Variants in IKZF3 observed in about 807,000 individuals in gnomAD.
IKZF3 encodes IKAROS family zinc finger 3, also known as zinc finger protein Aiolos.
Under a neutral mutation model 49.0 loss-of-function variants are expected in IKZF3, and 10 were observed. That is an observed-to-expected ratio of 0.20 (90% CI 0.13 to 0.35). IKZF3 has a LOEUF of 0.35. Ranked by LOEUF, IKZF3 falls within the 10% of genes least tolerant of loss-of-function variation. The probability of loss-of-function intolerance (pLI) is 1.00; values close to 1 mark genes in which losing one functional copy is unlikely to be tolerated. For synonymous variants in IKZF3, 209 were observed against 228.2 expected (o/e 0.92, Z 0.76); for missense variants, 498 against 664.8 (o/e 0.75, Z 2.76).
chr17:39,804,931 C>T (rs969552311), intron 3 of IKZF3, among the ~76,000 whole-genome samples: 6 of 152,112 alleles, frequency 3.9e-5, no homozygotes, highest in African/African-American at 1.4e-4. Context: ...GTTTTTATTG[C>T]TGTTGACTCT....
intron 3 of IKZF3, among the ~76,000 whole-genome samples, chr17:39,819,792 C>T (rs2061759879): frequency 1.3e-5 from 2 of 152,064 alleles, no homozygotes; most frequent in African/African-American, 2.4e-5. Flanking sequence ...ACCTCAGCCT[C>T]CCAAGTAGCT....
At position 39,765,407 on chromosome 17, in the gene IKZF3, T is replaced by G. The variant is rs145732147; in HGVS notation, c.*383A>C. On this transcript the variant is annotated 3_prime_UTR_variant, in exon 8 of 8. Coordinates refer to ENST00000346872, the MANE Select transcript of IKZF3 (RefSeq NM_012481.5). ...GGTCAGCTGGTCAGCTCTTCCTCTT[T>G]GTGGATTTGCATGTATGACTGAAAG... 328 of 168,662 alleles carry G rather than the reference T, an allele frequency of 1.9e-3. 3 individuals carry two copies. Among genetic ancestry groups the G allele is most frequent in the Non-Finnish European group, 3.1e-3 (241 of 77,860 alleles). 10.4% of individuals were successfully genotyped at this position (168,662 alleles called of 1,614,324 possible). A position where few individuals can be genotyped will look rare whatever the true frequency, so the allele number is the denominator to read the frequency against.
intron 6 of IKZF3, among the ~76,000 whole-genome samples, chr17:39,778,771 T>A (rs774393415): frequency 4.6e-5 from 7 of 152,192 alleles, no homozygotes; most frequent in Non-Finnish European, 7.3e-5. Flanking sequence ...ATTGCACTCC[T>A]GCCTGGGCAA....
At position 39,789,726 on chromosome 17, in the gene IKZF3, T is replaced by A. The variant is rs562337816; in HGVS notation, c.593-1352A>T. Among the ~76,000 whole-genome samples, 1,047 of 137,102 alleles carry A rather than the reference T, an allele frequency of 7.6e-3. 14 individuals are homozygous for A. Among genetic ancestry groups the A allele is most frequent in the African/African-American group, 0.028 (998 of 35,716 alleles). The allele number at this position is 137,102 out of a possible 152,430, so 89.9% of individuals were successfully genotyped here. ...CTGGGTGACAGAGTGAGACACCATC[T>A]CAAACAAACAAACAAACAAACAAAA... On this transcript the variant is annotated intron_variant, in intron 5 of 7. Transcript: ENST00000346872.
intron 6 of IKZF3, among the ~76,000 whole-genome samples, chr17:39,779,921 C>G (rs184666004): frequency 1.9e-4 from 29 of 152,264 alleles, no homozygotes; most frequent in African/African-American, 6.5e-4. Flanking sequence ...CAAGTAGTGG[C>G]TGGCACAGTG....
intron 7 of IKZF3, among the ~76,000 whole-genome samples, chr17:39,768,943 C>T (rs2060366431): frequency 6.6e-6 from 1 of 152,148 alleles, no homozygotes. Context: ...TCCCTTCCCC[C>T]TTTGTTAAAA....
At chr17:39,781,319 CA>C (rs1007967350) in intron 6 of IKZF3, among the ~76,000 whole-genome samples, 4 of 152,108 alleles carry the variant, frequency 2.6e-5, no homozygotes, top group African/African-American at 9.7e-5. Flanking sequence ...TTCTTAGAAT[CA>C]GGGGAGAGGT....
intron 3 of IKZF3, among the ~76,000 whole-genome samples, chr17:39,816,073 G>A (rs1238371026): frequency 1.3e-5 from 2 of 152,124 alleles, no homozygotes; most frequent in Admixed American, 6.5e-5. Flanking sequence ...AGGCCTCCTG[G>A]AGGAAATAAA....
rs1024705436 is a variant in IKZF3, at chr17:39,763,784, G to T, written c.*2006C>A. 6.6e-6 allele frequency: 1 copy of T among 152,174 alleles called. No individual in the cohort carries two copies. The highest frequency in any genetic ancestry group is 1.5e-5 in the Non-Finnish European group (1 of 68,036). 9.4% of individuals were successfully genotyped at this position (152,174 alleles called of 1,614,324 possible). A position where few individuals can be genotyped will look rare whatever the true frequency, so the allele number is the denominator to read the frequency against. ...TGAATTAAAGCTAGAAGGGACCTAA[G>T]AGAACATTGAAATCTAATTCCTATT... On this transcript the variant is annotated 3_prime_UTR_variant, in exon 8 of 8. Transcript: ENST00000346872.
At chr17:39,803,974 G>A (rs546892070) in intron 3 of IKZF3, among the ~76,000 whole-genome samples, 24 of 152,248 alleles carry the variant, frequency 1.6e-4, no homozygotes, top group Middle Eastern at 3.4e-3. Context: ...GAATGAAAAA[G>A]TCTTCTATAT....
chr17:39,818,844 C>G (rs1012755673), intron 3 of IKZF3, among the ~76,000 whole-genome samples: 2 of 152,120 alleles, frequency 1.3e-5, no homozygotes, highest in African/African-American at 4.8e-5. Flanking sequence ...GGCAACAGAG[C>G]AACAACAAAA....
At chr17:39,862,961 T>C (rs61253581) in intron 1 of IKZF3, among the ~76,000 whole-genome samples, 4,078 of 152,300 alleles carry the variant, frequency 0.027, 193 homozygotes, top group African/African-American at 0.094. Flanking sequence ...ATACGTGGTA[T>C]GGTTACGGCT....
chr17:39,792,194 T>C lies in IKZF3; in HGVS notation c.424+479A>G, dbSNP rs542817459. 3.9e-5 allele frequency among the ~76,000 whole-genome samples: 6 copies of C among 152,340 alleles called. No homozygotes were observed. The South Asian group carries it at 1.2e-3, about 32-fold the overall frequency. On this transcript the variant is annotated intron_variant, in intron 4 of 7. Transcript: ENST00000346872. ...GAGATATGGGATGGAATCGACTGGC[T>C]CAAGTGCGATGGTTGTGTTTGTATG... is the stretch of plus-strand genomic sequence containing the variant.
chr17:39,768,431 T>C (rs915478359), intron 7 of IKZF3, among the ~76,000 whole-genome samples: 1 of 152,164 alleles, frequency 6.6e-6, no homozygotes, highest in Non-Finnish European at 1.5e-5. Flanking sequence ...TGAAACGCGA[T>C]CAAGAAGTAT....
At chr17:39,785,277 T>C (rs1286078991) in intron 6 of IKZF3, among the ~76,000 whole-genome samples, 1 of 152,202 alleles carries the variant, frequency 6.6e-6, no homozygotes, top group Non-Finnish European at 1.5e-5. Context: ...TGAACTGAGA[T>C]GCAGTAACTT....
chr17:39,801,564 C>T (rs2061318252), intron 3 of IKZF3, among the ~76,000 whole-genome samples: 1 of 152,154 alleles, frequency 6.6e-6, no homozygotes, highest in African/African-American at 2.4e-5. Flanking sequence ...AACAGATGAA[C>T]TAGAACAGTT....
chr17:39,851,453 T>C (rs773568946), intron 1 of IKZF3, among the ~76,000 whole-genome samples: 20 of 152,150 alleles, frequency 1.3e-4, no homozygotes, highest in Non-Finnish European at 2.6e-4. Flanking sequence ...AAGGTATAAA[T>C]TGTGGTATAT....
At chr17:39,850,890 T>C (rs1416212515) in intron 1 of IKZF3, among the ~76,000 whole-genome samples, 1 of 115,358 alleles carries the variant, frequency 8.7e-6, no homozygotes, top group Non-Finnish European at 1.8e-5. Context: ...ATATACTCTA[T>C]AGTATATATT....
chr17:39,850,776 A>AT (rs1370370739), intron 1 of IKZF3, among the ~76,000 whole-genome samples: 2 of 119,674 alleles, frequency 1.7e-5, no homozygotes, highest in Non-Finnish European at 3.2e-5. Context: ...TATAATATAT[A>AT]GTATATATAC....
Sources: gnomAD v4.1 joint callset for allele counts (sites outside exome capture counted in the v4.1 genomes callset) on GRCh38, gnomAD v4.1.1 for gene constraint, MANE v1.5 for transcripts, NCBI Gene and HGNC (gene_info 2026-07-23, HGNC 2026-07-21) for gene names.